The following TRPC5 variants were observed in gnomAD, a reference collection of about 807,000 sequenced individuals.
The protein encoded by TRPC5 is transient receptor potential cation channel subfamily C member 5, also known as short transient receptor potential channel 5.
A neutral mutation model predicts 56.5 loss-of-function variants in TRPC5; 9 were observed. The observed-to-expected ratio is 0.16, with a 90% confidence interval of 0.10 to 0.28. The LOEUF (loss-of-function observed/expected upper bound fraction) is 0.28. Among genes scored for constraint, TRPC5 ranks in the 10% least tolerant of loss-of-function variants. The pLI is 1.00. For missense variants in TRPC5, 469 were observed against 748.9 expected, an observed-to-expected ratio of 0.63 and a Z score of 4.36; for synonymous variants, 282 against 278.5, an observed-to-expected ratio of 1.01 and a Z score of -0.13.
intron 9 of TRPC5, among the ~76,000 whole-genome samples, chrX:111,780,327 A>G (rs900441311): frequency 4.6e-5 from 5 of 109,106 alleles, no homozygotes; most frequent in African/African-American, 1.0e-4. Context: ...GTGCTTCTCT[A>G]TTTCTTTGAT....
intron 1 of TRPC5, among the ~76,000 whole-genome samples, chrX:112,011,909 C>G (rs371394143): frequency 9.0e-6 from 1 of 111,468 alleles, no homozygotes; most frequent in South Asian, 3.8e-4. Context: ...TACATATATA[C>G]GTATGACAAA....
At chrX:111,877,449 A>C (rs1433313807) in intron 3 of TRPC5, among the ~76,000 whole-genome samples, 1 of 111,152 alleles carries the variant, frequency 9.0e-6, no homozygotes, top group African/African-American at 3.3e-5. Context: ...TTCCGAGGAC[A>C]CGGAACTTTC....
chrX:111,927,658 A>G (rs1259457325), intron 2 of TRPC5, among the ~76,000 whole-genome samples: 1 of 111,037 alleles, frequency 9.0e-6, no homozygotes, highest in Middle Eastern at 4.2e-3. Context: ...GCATGGTGCT[A>G]TTACTCTTAG....
chrX:111,843,969 G>A (rs748919343), intron 6 of TRPC5, among the ~76,000 whole-genome samples: 1 of 104,939 alleles, frequency 9.5e-6, no homozygotes, highest in South Asian at 4.5e-4. Flanking sequence ...AGAGAGAGAG[G>A]TATTCAAGGG....
chrX:111,952,280 A>C lies in TRPC5; in HGVS notation c.141T>G (p.Thr47=), dbSNP rs368534615. Residue 47 remains threonine (T), a synonymous_variant, in exon 2 of 11, where the codon ACT becomes ACG. Transcript: ENST00000262839. ...CAGCCTCCTGAAGGGCCTGCTTCACAGTGGCATAGTCCCCCTTCTCCACAG... is the reference window on the plus strand; with the variant it reads ...CAGCCTCCTGAAGGGCCTGCTTCACCGTGGCATAGTCCCCCTTCTCCACAG... ...LNAVEKGDYA[T]VKQALQEAEI... is the part of the protein sequence containing the mutation. 6.2e-5 allele frequency: 75 copies of C among 1,210,396 alleles called. No individual in the cohort carries two copies. Among genetic ancestry groups the C allele is most frequent in the Non-Finnish European group, 8.3e-5 (74 of 895,386 alleles).
chrX:112,049,563 C>T (rs1444783679), intron 1 of TRPC5, among the ~76,000 whole-genome samples: 1 of 107,860 alleles, frequency 9.3e-6, no homozygotes, highest in Non-Finnish European at 1.9e-5. Flanking sequence ...GAGACAGGAT[C>T]TCGCTATGTT....
At chrX:111,945,778 G>C (rs146675490) in intron 2 of TRPC5, among the ~76,000 whole-genome samples, 1 of 111,969 alleles carries the variant, frequency 8.9e-6, no homozygotes, top group Non-Finnish European at 1.9e-5. Flanking sequence ...TAAAGCCAAG[G>C]AAGGCAGTGG....
intron 7 of TRPC5, among the ~76,000 whole-genome samples, chrX:111,786,076 T>TA (rs1299579322): frequency 1.8e-5 from 2 of 110,929 alleles, no homozygotes; most frequent in East Asian, 5.7e-4. Context: ...ATCACAAAGA[T>TA]ACTCCTTGAG....
In TRPC5 at chrX:111,967,594, A is replaced by G. The variant is rs192818679; in HGVS notation, c.-21-15153T>C. Reference sequence around the variant, plus strand: ...ACTATACTACAAGGCTACAGTAATCAAAACAGCATGGTACTGGTACCAAAA... The same window carrying G: ...ACTATACTACAAGGCTACAGTAATCGAAACAGCATGGTACTGGTACCAAAA... On this transcript the variant is annotated intron_variant, in intron 1 of 10. Transcript: ENST00000262839. 2.5e-3 allele frequency among the ~76,000 whole-genome samples: 280 copies of G among 112,214 alleles called. 1 individual carries two copies. Among genetic ancestry groups the G allele is most frequent in the Non-Finnish European group, 4.4e-3 (236 of 53,244 alleles).
At chrX:111,905,810 G>A (rs111373881) in intron 3 of TRPC5, among the ~76,000 whole-genome samples, 1 of 108,148 alleles carries the variant, frequency 9.2e-6, no homozygotes, top group African/African-American at 3.4e-5. Context: ...AGCTACTCAG[G>A]AGGCTGAGGC....
chrX:111,825,142 CCTTCCTTT>C (rs1398808430), intron 7 of TRPC5, among the ~76,000 whole-genome samples: 1,027 of 77,907 alleles, frequency 0.013, 2 homozygotes, highest in Middle Eastern at 0.023. Context: ...TTCCTTCCTT[CCTTCCTTT>C]CTTTCTTTCT....
At chrX:111,807,590 G>A (rs1398272586) in intron 7 of TRPC5, among the ~76,000 whole-genome samples, 1 of 112,062 alleles carries the variant, frequency 8.9e-6, no homozygotes, top group Non-Finnish European at 1.9e-5. Context: ...TAGTTCATTT[G>A]GTGAAGTCTT....
chrX:111,965,950 C>T (rs1325575245), intron 1 of TRPC5, among the ~76,000 whole-genome samples: 1 of 111,467 alleles, frequency 9.0e-6, no homozygotes, highest in Non-Finnish European at 1.9e-5. Flanking sequence ...CATTCAAAAG[C>T]TAGCAGAAGG....
chrX:111,782,771 C>G (rs1436445683), intron 7 of TRPC5, among the ~76,000 whole-genome samples: 5 of 104,329 alleles, frequency 4.8e-5, no homozygotes, highest in Middle Eastern at 4.5e-3. Context: ...TGAGTTTTGA[C>G]AGGTATATAT....
chrX:111,771,773 C>CTTT lies in TRPC5; in HGVS notation c.*4537_*4539dup, dbSNP rs35353450. Among the ~76,000 whole-genome samples, 14 of 101,412 alleles carry CTTT rather than the reference C, an allele frequency of 1.4e-4. No individual in the cohort carries two copies. In the Admixed American group the frequency reaches 1.4e-3, roughly 10 times the overall value. 88.1% of individuals were successfully genotyped at this position (101,412 alleles called of 115,157 possible). A position where few individuals can be genotyped will look rare whatever the true frequency, so the allele number is the denominator to read the frequency against. Reference sequence around the variant, plus strand: ...CAGGTAAGTTATTCTGACCTAAATGCTTTTTTTTTTTTTAAACAAAACCAG... The same window carrying CTTT: ...CAGGTAAGTTATTCTGACCTAAATGCTTTTTTTTTTTTTTTTAAACAAAACCAG... On this transcript the variant is annotated 3_prime_UTR_variant, in exon 11 of 11. Transcript: ENST00000262839.
At chrX:111,956,405 C>T (rs866831729) in intron 1 of TRPC5, among the ~76,000 whole-genome samples, 1 of 111,555 alleles carries the variant, frequency 9.0e-6, no homozygotes, top group Non-Finnish European at 1.9e-5. Context: ...TAAATTTGTA[C>T]GATCTCAGGT....
chrX:112,017,393 A>T (rs1929157006), intron 1 of TRPC5, among the ~76,000 whole-genome samples: 1 of 111,070 alleles, frequency 9.0e-6, no homozygotes, highest in South Asian at 3.8e-4. Context: ...AATACAAACT[A>T]AATGTCTGAG....
chrX:112,035,090 A>T (rs34188742), intron 1 of TRPC5, among the ~76,000 whole-genome samples: 2,178 of 64,608 alleles, frequency 0.034, 19 homozygotes, highest in Middle Eastern at 0.039. Context: ...TTTTTTTTTT[A>T]AAAAAAAAAA....
intron 3 of TRPC5, among the ~76,000 whole-genome samples, chrX:111,863,794 C>T: frequency 9.0e-6 from 1 of 111,645 alleles, no homozygotes; most frequent in Admixed American, 9.5e-5. Flanking sequence ...CTTCAATTCA[C>T]AGTTTTCCAT....
Sources: gnomAD v4.1 joint callset for allele counts (sites outside exome capture counted in the v4.1 genomes callset) on GRCh38, gnomAD v4.1.1 for gene constraint, MANE v1.5 for transcripts, NCBI Gene and HGNC (gene_info 2026-07-23, HGNC 2026-07-21) for gene names.